Variants in OPCML observed in about 807,000 individuals in gnomAD.
The protein encoded by OPCML is opioid binding protein/cell adhesion molecule like.
In OPCML, 13 loss-of-function variants were observed where a neutral mutation model predicts 37.8. That is an observed-to-expected ratio of 0.34 (90% confidence interval 0.22 to 0.55). The LOEUF is 0.55. Ranked by LOEUF, OPCML falls within the 20% of genes least tolerant of loss-of-function variation. OPCML has a pLI of 0.91. For missense variants in OPCML, 341 were observed against 435.6 expected, an observed-to-expected ratio of 0.78 and a Z score of 1.93; for synonymous variants, 176 against 168.8, an observed-to-expected ratio of 1.04 and a Z score of -0.33.
At chr11:133,002,000 A>G (rs1947015058) in intron 1 of OPCML, among the ~76,000 whole-genome samples, 1 of 152,236 alleles carries the variant, frequency 6.6e-6, no homozygotes, top group Non-Finnish European at 1.5e-5. Context: ...AACTTTTGAC[A>G]AACAGAAAGA....
At chr11:132,862,883 AAAG>A (rs1299516593) in intron 2 of OPCML, among the ~76,000 whole-genome samples, 10 of 152,336 alleles carry the variant, frequency 6.6e-5, no homozygotes, top group Admixed American at 5.2e-4. Flanking sequence ...TTCTTTCATA[AAAG>A]AAGATTATAA....
chr11:133,129,336 A>G (rs1003760017), intron 1 of OPCML, among the ~76,000 whole-genome samples: 1 of 152,156 alleles, frequency 6.6e-6, no homozygotes, highest in Non-Finnish European at 1.5e-5. Context: ...GGCCAAGAAG[A>G]GTGCTTGCTC....
intron 3 of OPCML, among the ~76,000 whole-genome samples, chr11:132,556,800 A>G (rs1258047757): frequency 6.6e-6 from 1 of 152,128 alleles, no homozygotes; most frequent in East Asian, 1.9e-4. Context: ...TACTCCTGAT[A>G]TTACACTTAC....
chr11:133,138,353 C>T (rs890730272), intron 1 of OPCML, among the ~76,000 whole-genome samples: 2 of 152,178 alleles, frequency 1.3e-5, no homozygotes, highest in Admixed American at 1.3e-4. Context: ...TAATCTGTTA[C>T]AGCAACACTA....
chr11:132,748,624 C>T (rs528701574), intron 2 of OPCML, among the ~76,000 whole-genome samples: 2 of 152,150 alleles, frequency 1.3e-5, no homozygotes, highest in African/African-American at 2.4e-5. Flanking sequence ...AAGGAGAGAG[C>T]GGTGCGAGGG....
intron 3 of OPCML, among the ~76,000 whole-genome samples, chr11:132,545,272 C>G (rs947980771): frequency 6.6e-6 from 1 of 152,044 alleles, no homozygotes; most frequent in Non-Finnish European, 1.5e-5. Flanking sequence ...AATATTTTTT[C>G]TTCATTTATT....
At chr11:132,936,410 A>C (rs1945375842) in intron 2 of OPCML, among the ~76,000 whole-genome samples, 1 of 152,284 alleles carries the variant, frequency 6.6e-6, no homozygotes, top group South Asian at 2.1e-4. Flanking sequence ...GTAGGCTGTT[A>C]ATAGGGATTG....
intron 3 of OPCML, among the ~76,000 whole-genome samples, chr11:132,636,760 G>A (rs1258304712): frequency 6.6e-6 from 1 of 152,076 alleles, no homozygotes; most frequent in Non-Finnish European, 1.5e-5. Flanking sequence ...CTGTTCCCCT[G>A]GGAGATGCTA....
chr11:133,137,396 T>C (rs1172576264), intron 1 of OPCML, among the ~76,000 whole-genome samples: 1 of 152,202 alleles, frequency 6.6e-6, no homozygotes, highest in African/African-American at 2.4e-5. Context: ...AGAGAAACAA[T>C]GTGGATACAA....
intron 1 of OPCML, chr11:133,420,195 T>C: frequency 1.8e-6 from 1 of 547,904 alleles, no homozygotes; most frequent in Non-Finnish European, 2.3e-6. Context: ...ACACAAGTAC[T>C]TTTTTTTTTT....
At chr11:133,039,166 A>G (rs995382302) in intron 1 of OPCML, among the ~76,000 whole-genome samples, 2 of 152,190 alleles carry the variant, frequency 1.3e-5, no homozygotes, top group East Asian at 1.9e-4. Flanking sequence ...TGCCAGGGAG[A>G]GGGAAAAATC....
At chr11:132,962,677 T>G (rs1178491807) in intron 1 of OPCML, among the ~76,000 whole-genome samples, 1 of 152,192 alleles carries the variant, frequency 6.6e-6, no homozygotes, top group Non-Finnish European at 1.5e-5. Flanking sequence ...ACCCCAGCCT[T>G]GGCTCTACTC....
intron 1 of OPCML, among the ~76,000 whole-genome samples, chr11:133,427,084 G>A (rs60479057): frequency 0.15 from 23,319 of 152,026 alleles, 1,913 homozygotes; most frequent in African/African-American, 0.17. Flanking sequence ...TCCAATGAAT[G>A]TAAGGATATA....
intron 2 of OPCML, among the ~76,000 whole-genome samples, chr11:132,770,992 G>C (rs927123471): frequency 1.3e-5 from 2 of 152,130 alleles, no homozygotes; most frequent in East Asian, 3.9e-4. Context: ...ACTGTAGCTG[G>C]CTTCCACCTC....
chr11:133,331,141 G>A (rs7104890), intron 1 of OPCML, among the ~76,000 whole-genome samples: 23,924 of 152,174 alleles, frequency 0.16, 2,609 homozygotes, highest in East Asian at 0.56. Flanking sequence ...ATTATAGAAA[G>A]TTCAAGAACG....
Position 132,420,080 on chromosome 11 carries a change from T to A in OPCML, c.*113A>T. 1.5e-6 allele frequency: 1 copy of A among 667,396 alleles called. No homozygotes were observed. Among genetic ancestry groups the A allele is most frequent in the South Asian group, 2.2e-5 (1 of 45,058 alleles). 41.3% of individuals were successfully genotyped at this position (667,396 alleles called of 1,614,324 possible). Reference sequence around the variant, plus strand: ...AACAAAAACAAAAAGAAAACAAATCTAGAATAACAGAAAAAAACAAAAAGA... The same window carrying A: ...AACAAAAACAAAAAGAAAACAAATCAAGAATAACAGAAAAAAACAAAAAGA... On this transcript the variant is annotated 3_prime_UTR_variant, in exon 8 of 8. Coordinates refer to ENST00000524381, the MANE Select transcript of OPCML (RefSeq NM_001012393.5).
At chr11:132,976,930 CT>C (rs1946477026) in intron 1 of OPCML, among the ~76,000 whole-genome samples, 1 of 152,094 alleles carries the variant, frequency 6.6e-6, no homozygotes, top group Admixed American at 6.6e-5. Context: ...CCATAGGGAG[CT>C]TTTTGAAATT....
chr11:132,618,342 T>C (rs1939165119), intron 3 of OPCML, among the ~76,000 whole-genome samples: 1 of 152,066 alleles, frequency 6.6e-6, no homozygotes, highest in African/African-American at 2.4e-5. Context: ...CCATCTGTAC[T>C]AAAAATACAA....
chr11:133,230,595 G>A (rs1940236319), intron 1 of OPCML, among the ~76,000 whole-genome samples: 1 of 152,086 alleles, frequency 6.6e-6, no homozygotes, highest in Non-Finnish European at 1.5e-5. Flanking sequence ...ACCTTATCTG[G>A]CACTTCGCAT....
Sources: allele counts gnomAD v4.1 joint callset (sites outside exome capture counted in the v4.1 genomes callset), GRCh38; gene constraint gnomAD v4.1.1; transcripts MANE v1.5; gene names NCBI Gene and HGNC (gene_info 2026-07-23, HGNC 2026-07-21).